The following PREX1 variants were observed in gnomAD, a reference collection of about 807,000 sequenced individuals.
PREX1 encodes phosphatidylinositol-3,4,5-trisphosphate dependent Rac exchange factor 1.
A neutral mutation model predicts 198.3 loss-of-function variants in PREX1; 41 were observed. That is an observed-to-expected ratio of 0.21 (90% CI 0.16 to 0.27). PREX1 has a LOEUF of 0.27. Ranked by LOEUF, PREX1 falls within the 10% of genes least tolerant of loss-of-function variation. The pLI is 1.00. For missense variants in PREX1, 1,620 were observed against 2,200.7 expected (o/e 0.74, Z 5.28); for synonymous variants, 843 against 887.2 (o/e 0.95, Z 0.89).
At chr20:48,777,481 C>T (rs570171122) in intron 1 of PREX1, among the ~76,000 whole-genome samples, 9 of 152,194 alleles carry the variant, frequency 5.9e-5, no homozygotes, top group Admixed American at 1.3e-4. Context: ...GGGCCTCCGG[C>T]GGAATCCAAG....
rs1398584938 is a variant in PREX1, at chr20:48,679,372, G to A, written c.1577C>T (p.Thr526Ile). ...AAGAGTAACTTACTTGATCACCGGG[G>A]TGTAGAGGCTGTGAAGACGGCAGTA... ...RLYCRLHSLYTPVIKDRDYHL... is the reference protein window; with the variant it reads ...RLYCRLHSLYIPVIKDRDYHL... Residue 526 changes from threonine (T) to isoleucine (I), a missense_variant, in exon 13 of 40, where the codon ACC (threonine) becomes ATC (isoleucine). Transcript: ENST00000371941. 3 of 1,613,208 alleles carry A rather than the reference G, an allele frequency of 1.9e-6. No homozygotes were observed. The highest frequency in any genetic ancestry group is 1.7e-6 in the Non-Finnish European group (2 of 1,179,320).
At chr20:48,809,384 G>T (rs923500142) in intron 1 of PREX1, among the ~76,000 whole-genome samples, 1 of 152,178 alleles carries the variant, frequency 6.6e-6, no homozygotes, top group East Asian at 1.9e-4. Context: ...CCCATCTTCT[G>T]GTCCCAGCAC....
chr20:48,790,529 G>A (rs2090333956), intron 1 of PREX1, among the ~76,000 whole-genome samples: 2 of 152,150 alleles, frequency 1.3e-5, no homozygotes, highest in African/African-American at 4.8e-5. Flanking sequence ...TAAATTCAAT[G>A]GTCCAGGCTG....
the PREX1 span, among the ~76,000 whole-genome samples, chr20:48,887,770 C>T: frequency 1.3e-5 from 2 of 152,208 alleles, no homozygotes; most frequent in South Asian, 2.1e-4. Flanking sequence ...CACAGCGAAA[C>T]CCCGTCTCTA....
intron 9 of PREX1, among the ~76,000 whole-genome samples, chr20:48,690,704 G>A (rs1386832100): frequency 1.3e-5 from 2 of 152,202 alleles, no homozygotes; most frequent in African/African-American, 2.4e-5. Flanking sequence ...GCTTAAGGGT[G>A]AAGACCTTCG....
At chr20:48,725,887 T>C (rs1268801164) in intron 5 of PREX1, among the ~76,000 whole-genome samples, 1 of 152,204 alleles carries the variant, frequency 6.6e-6, no homozygotes, top group Non-Finnish European at 1.5e-5. Context: ...GGATGATAAA[T>C]GGTACATGCA....
intron 1 of PREX1, among the ~76,000 whole-genome samples, chr20:48,796,432 G>A (rs2090362602): frequency 6.6e-6 from 1 of 152,006 alleles, no homozygotes; most frequent in Admixed American, 6.6e-5. Flanking sequence ...ATGCAGAAAC[G>A]TGTACTGTGG....
chr20:48,746,981 CACACACACACACACACACACACACACACA>C (rs2090110996), intron 2 of PREX1, among the ~76,000 whole-genome samples: 3 of 148,578 alleles, frequency 2.0e-5, no homozygotes, highest in East Asian at 3.9e-4. Flanking sequence ...CACACACACA[CACACACACACACACACACACACACACACA>C]CCCCACCCCC....
At chr20:48,732,248 T>C (rs772686856) in intron 4 of PREX1, among the ~76,000 whole-genome samples, 2 of 152,224 alleles carry the variant, frequency 1.3e-5, no homozygotes, top group Non-Finnish European at 2.9e-5. Flanking sequence ...GTCTGCCAAT[T>C]TGCCCTTCCT....
chr20:48,652,743 C>T (rs748697503), intron 20 of PREX1, 37 bp from the exon 21 acceptor site: 19 of 1,593,756 alleles, frequency 1.2e-5, no homozygotes, highest in African/African-American at 5.4e-5. Context: ...GCCATGGTGC[C>T]GGCAGGTAGG....
chr20:48,718,899 A>C (rs896107641), intron 5 of PREX1, among the ~76,000 whole-genome samples: 2 of 152,258 alleles, frequency 1.3e-5, no homozygotes, highest in Non-Finnish European at 2.9e-5. Flanking sequence ...GTCAGATTTC[A>C]AAGAGGCAAT....
intron 16 of PREX1, 136 bp downstream of exon 16, chr20:48,659,783 C>G (rs1488170219): frequency 2.4e-6 from 3 of 1,243,752 alleles, no homozygotes; most frequent in Non-Finnish European, 3.3e-6. Context: ...AGAGTTGCCC[C>G]CTACCACCTA....
At chr20:48,777,207 G>A (rs373290651) in intron 1 of PREX1, among the ~76,000 whole-genome samples, 20 of 152,206 alleles carry the variant, frequency 1.3e-4, no homozygotes, top group East Asian at 7.7e-4. Context: ...GCCAAAACCC[G>A]CCACACCACA....
intron 5 of PREX1, among the ~76,000 whole-genome samples, chr20:48,713,137 T>C (rs1000432680): frequency 2.0e-5 from 3 of 149,394 alleles, no homozygotes; most frequent in African/African-American, 7.5e-5. Flanking sequence ...CAAGACTCCA[T>C]CTTAAAAAAA....
chr20:48,715,290 G>C (rs76010812), intron 5 of PREX1, among the ~76,000 whole-genome samples: 5,163 of 152,312 alleles, frequency 0.034, 117 homozygotes, highest in Middle Eastern at 0.072. Flanking sequence ...ACCACTGTTT[G>C]AATGAATTAA....
chr20:48,774,868 C>A (rs566496048), intron 1 of PREX1, among the ~76,000 whole-genome samples: 1 of 152,258 alleles, frequency 6.6e-6, no homozygotes, highest in African/African-American at 2.4e-5. Context: ...TCCATGGAAA[C>A]GCACAGCCTC....
At chr20:48,694,062 C>T (rs1438354698) in intron 7 of PREX1, among the ~76,000 whole-genome samples, 1 of 152,070 alleles carries the variant, frequency 6.6e-6, no homozygotes, top group African/African-American at 2.4e-5. Flanking sequence ...CACGCATGTG[C>T]CACCATGGCC....
chr20:48,752,427 C>CATAT (rs2090137981), intron 1 of PREX1, among the ~76,000 whole-genome samples: 1 of 152,228 alleles, frequency 6.6e-6, no homozygotes, highest in Non-Finnish European at 1.5e-5. Flanking sequence ...CATCTGCTAT[C>CATAT]CAGACCCCAC....
At chr20:48,656,548 C>T (rs2089545108) in intron 18 of PREX1, 1 of 456,908 alleles carries the variant, frequency 2.2e-6, no homozygotes, top group Non-Finnish European at 4.4e-6. Flanking sequence ...GGGCCTCTGC[C>T]CTAGCTGCTT....
Sources: allele counts gnomAD v4.1 joint callset (sites outside exome capture counted in the v4.1 genomes callset), GRCh38; gene constraint gnomAD v4.1.1; transcripts MANE v1.5; gene names NCBI Gene and HGNC (gene_info 2026-07-23, HGNC 2026-07-21).